NOL10: variants seen among roughly 807,000 people sequenced by gnomAD.
NOL10 encodes H_NH0074G24.1.
A neutral mutation model predicts 103.5 loss-of-function variants in NOL10; 58 were observed. That is an observed-to-expected ratio of 0.56 (90% confidence interval 0.45 to 0.70). NOL10 has a LOEUF of 0.70. NOL10 is among the 30% of genes least tolerant of loss of function. The pLI is 0.00. For synonymous variants in NOL10, 287 were observed against 282.5 expected, an observed-to-expected ratio of 1.02 and a Z score of -0.16; for missense variants, 763 against 807.3, an observed-to-expected ratio of 0.95 and a Z score of 0.67.
chr2:10,637,192 A>AAAAC (rs1241184285), intron 13 of NOL10, among the ~76,000 whole-genome samples: 10 of 144,898 alleles, frequency 6.9e-5, no homozygotes, highest in Non-Finnish European at 1.1e-4. Context: ...CTGTCTCAAA[A>AAAAC]AAAAAAAAAA....
intron 3 of NOL10, among the ~76,000 whole-genome samples, chr2:10,680,277 A>T (rs1415890720): frequency 7.3e-6 from 1 of 136,548 alleles, no homozygotes; most frequent in Non-Finnish European, 1.5e-5. Flanking sequence ...ACTCTTAAAA[A>T]AGAAGGAGAA....
intron 1 of NOL10, among the ~76,000 whole-genome samples, chr2:10,684,881 G>C (rs887370036): frequency 6.6e-6 from 1 of 152,044 alleles, no homozygotes; most frequent in Non-Finnish European, 1.5e-5. Context: ...CCAGTCTATA[G>C]TACAATGATG....
intron 12 of NOL10, among the ~76,000 whole-genome samples, chr2:10,645,386 T>C (rs994398484): frequency 6.6e-6 from 1 of 152,206 alleles, no homozygotes; most frequent in Non-Finnish European, 1.5e-5. Context: ...GGGCAATGAT[T>C]AGATTCTGTT....
At chr2:10,597,066 C>A (rs912122793) in intron 17 of NOL10, among the ~76,000 whole-genome samples, 1 of 152,062 alleles carries the variant, frequency 6.6e-6, no homozygotes, top group Admixed American at 6.5e-5. Flanking sequence ...AACTCCTGGG[C>A]TCAAGTAATC....
intron 12 of NOL10, among the ~76,000 whole-genome samples, chr2:10,648,740 T>C (rs183662933): frequency 8.5e-4 from 129 of 151,832 alleles, no homozygotes; most frequent in African/African-American, 3.0e-3. Flanking sequence ...AAATACACGG[T>C]AGAGGATCAA....
At chr2:10,612,231 T>C (rs1385417549) in intron 13 of NOL10, among the ~76,000 whole-genome samples, 1 of 152,178 alleles carries the variant, frequency 6.6e-6, no homozygotes, top group Admixed American at 6.5e-5. Context: ...CCCAAAGCTG[T>C]GCTGAGACAG....
rs1275575977 is a variant in NOL10, at chr2:10,670,762, AAAAAAACAG to A, written c.464+783_464+791del. Among the ~76,000 whole-genome samples the A allele has an allele frequency of 3.3e-5, 5 of 152,236 alleles. No individual in the cohort carries two copies. The East Asian group carries it at 7.7e-4, about 24-fold the overall frequency. ...AAAAAGAAAATGAAACAAACAAACA[AAAAAAACAG>A]AAAAAACAAAACAAAAAGACATGGG... is the stretch of plus-strand genomic sequence containing the variant. On this transcript the variant is annotated intron_variant, in intron 6 of 20. Coordinates refer to ENST00000381685, the MANE Select transcript of NOL10 (RefSeq NM_024894.4).
chr2:10,655,847 C>T (rs1414891778), intron 11 of NOL10, among the ~76,000 whole-genome samples: 3 of 152,258 alleles, frequency 2.0e-5, no homozygotes, highest in African/African-American at 4.8e-5. Context: ...AGAGCACAGA[C>T]AAGATGGTTT....
intron 17 of NOL10, among the ~76,000 whole-genome samples, chr2:10,595,750 A>G (rs12690509): frequency 0.34 from 51,736 of 151,220 alleles, 9,197 homozygotes; most frequent in Non-Finnish European, 0.4. Flanking sequence ...GATTACAGGT[A>G]CGCACCACCA....
intron 4 of NOL10, among the ~76,000 whole-genome samples, chr2:10,675,459 G>C (rs146343815): frequency 8.7e-4 from 132 of 151,498 alleles, no homozygotes; most frequent in African/African-American, 2.3e-3. Context: ...TGGGGGTTTG[G>C]GGGGGGTGCA....
intron 13 of NOL10, among the ~76,000 whole-genome samples, chr2:10,621,036 C>G (rs1677113167): frequency 1.3e-5 from 2 of 152,136 alleles, no homozygotes; most frequent in Non-Finnish European, 2.9e-5. Flanking sequence ...TCAAAAGATC[C>G]ACCTGCCTCG....
At chr2:10,664,410 CA>C (rs149185887) in intron 8 of NOL10, among the ~76,000 whole-genome samples, 1 of 148,838 alleles carries the variant, frequency 6.7e-6, no homozygotes, top group Non-Finnish European at 1.5e-5. Context: ...AAGACTGTCT[CA>C]AAAAAAAACA....
chr2:10,630,952 T>C (rs980514839), intron 13 of NOL10, among the ~76,000 whole-genome samples: 1 of 151,984 alleles, frequency 6.6e-6, no homozygotes, highest in African/African-American at 2.4e-5. Flanking sequence ...TAGGGAAGAG[T>C]TTTCTTTTCA....
chr2:10,614,250 G>A (rs1050431077), intron 13 of NOL10, among the ~76,000 whole-genome samples: 1 of 152,084 alleles, frequency 6.6e-6, no homozygotes, highest in Non-Finnish European at 1.5e-5. Context: ...ATGAGCCAGA[G>A]TGCCCAGCCC....
chr2:10,618,034 G>GT (rs36205939), intron 13 of NOL10, among the ~76,000 whole-genome samples: 57 of 145,926 alleles, frequency 3.9e-4, no homozygotes, highest in East Asian at 1.2e-3. Flanking sequence ...TACACTTCAT[G>GT]TTTTTTTTTT....
chr2:10,627,854 T>C (rs1025661775), intron 13 of NOL10, among the ~76,000 whole-genome samples: 2 of 150,966 alleles, frequency 1.3e-5, no homozygotes, highest in African/African-American at 2.4e-5. Flanking sequence ...AAAATACCCA[T>C]GTAACAAACC....
chr2:10,592,082 T>C (rs10929683), intron 17 of NOL10, among the ~76,000 whole-genome samples: 52,125 of 151,830 alleles, frequency 0.34, 9,368 homozygotes, highest in Non-Finnish European at 0.4. Context: ...GACGGACTGC[T>C]GAGTAAGAAG....
chr2:10,668,495 T>C (rs1475837253), intron 7 of NOL10, among the ~76,000 whole-genome samples, 163 bp downstream of exon 7: 4 of 152,222 alleles, frequency 2.6e-5, no homozygotes, highest in African/African-American at 9.6e-5. Context: ...CACCAGATCT[T>C]TCAGTGAATT....
rs1224265658 is a variant in NOL10 at position 10,669,481 on chromosome 2, TAC to T, written c.465-760_465-759del. Among the ~76,000 whole-genome samples, 343 of 132,398 alleles carry T rather than the reference TAC, an allele frequency of 2.6e-3. 2 individuals carry two copies. The highest frequency in any genetic ancestry group is 8.7e-3 in the African/African-American group (317 of 36,412). 86.9% of individuals were successfully genotyped at this position (132,398 alleles called of 152,430 possible). A position where few individuals can be genotyped will look rare whatever the true frequency, so the allele number is the denominator to read the frequency against. On this transcript the variant is annotated intron_variant, in intron 6 of 20. Transcript: ENST00000381685. ...TTTTTATTTTTTATATATATATATA[TAC>T]ACACACACACACATACACACACACA...
Sources: gnomAD v4.1 joint callset for allele counts (sites outside exome capture counted in the v4.1 genomes callset) on GRCh38, gnomAD v4.1.1 for gene constraint, MANE v1.5 for transcripts, NCBI Gene and HGNC (gene_info 2026-07-23, HGNC 2026-07-21) for gene names.